CNST: variants seen among roughly 807,000 people sequenced by gnomAD.
CNST encodes the protein consortin, connexin sorting protein, also known as consortin.
In CNST, 39 loss-of-function variants were observed where a neutral mutation model predicts 72.4. That is an observed-to-expected ratio of 0.54 (90% CI 0.42 to 0.70). The LOEUF (loss-of-function observed/expected upper bound fraction) is 0.70, where lower values mean the gene tolerates loss of function less well. CNST is among the 30% of genes least tolerant of loss of function. The pLI is 0.00. For missense variants in CNST, 871 were observed against 868.5 expected (o/e 1.00, Z -0.04); for synonymous variants, 332 against 320.1 (o/e 1.04, Z -0.40).
At chr1:246,654,779 CA>C (rs1330983604) in intron 9 of CNST, among the ~76,000 whole-genome samples, 1 of 151,500 alleles carries the variant, frequency 6.6e-6, no homozygotes, top group African/African-American at 2.4e-5. Flanking sequence ...ATTACTCAAA[CA>C]AGTATTTGCT....
At chr1:246,582,599 A>G (rs918980628) in intron 1 of CNST, among the ~76,000 whole-genome samples, 2 of 152,130 alleles carry the variant, frequency 1.3e-5, no homozygotes, top group Admixed American at 1.3e-4. Context: ...GTCTTTCACA[A>G]CAGATAGTCT....
intron 9 of CNST, among the ~76,000 whole-genome samples, chr1:246,658,057 G>A (rs1666864418): frequency 6.6e-6 from 1 of 152,092 alleles, no homozygotes; most frequent in Non-Finnish European, 1.5e-5. Context: ...GTATTTTATG[G>A]AGAAAATAGA....
chr1:246,573,074 GAA>G (rs1660167375), intron 1 of CNST, among the ~76,000 whole-genome samples: 1 of 152,284 alleles, frequency 6.6e-6, no homozygotes, highest in East Asian at 1.9e-4. Flanking sequence ...TAGTTTCCTG[GAA>G]AAGTCATTAT....
rs1173786524 is a variant in CNST at position 246,647,759 on chromosome 1, G to C, written c.1558G>C (p.Gly520Arg). 3 of 1,614,116 alleles carry C rather than the reference G, an allele frequency of 1.9e-6. No individual in the cohort carries two copies. In the Admixed American group the frequency reaches 5.0e-5, roughly 27 times the overall value. ...LCGNNQISDL[G>R]ILLPEVCMAP... ...TGGAAATAATCAAATATCTGACTTA[G>C]GCATACTGCTTCCAGAGGTGTGTAT... Residue 520 changes from glycine (G) to arginine (R), a missense_variant, in exon 9 of 11, where the codon GGC becomes CGC. Physicochemically the swap from Gly to Arg is moderately radical, Grantham distance 125 (BLOSUM62 -2). Coordinates refer to ENST00000366513, the MANE Select transcript of CNST (RefSeq NM_152609.3).
intron 3 of CNST, among the ~76,000 whole-genome samples, chr1:246,621,966 G>C (rs1162093420): frequency 2.6e-5 from 4 of 152,196 alleles, no homozygotes; most frequent in Admixed American, 2.0e-4. Context: ...CTGCACTCCA[G>C]CCTGGGAGAC....
intron 1 of CNST, among the ~76,000 whole-genome samples, chr1:246,578,668 C>CA (rs535495219): frequency 0.039 from 5,408 of 139,928 alleles, 273 homozygotes; most frequent in African/African-American, 0.12. Flanking sequence ...GACTCCGTTT[C>CA]AAAAAAAAAA....
intron 3 of CNST, among the ~76,000 whole-genome samples, chr1:246,629,308 A>G (rs1664629917): frequency 1.3e-5 from 2 of 152,192 alleles, no homozygotes; most frequent in Admixed American, 1.3e-4. Flanking sequence ...AAAAAGTCAC[A>G]TCTTCTCTTC....
chr1:246,632,414 C>A, intron 4 of CNST: 1 of 212,636 alleles, frequency 4.7e-6, no homozygotes. Flanking sequence ...TTGCCTTCCC[C>A]TTGGATAATG....
intron 2 of CNST, chr1:246,607,764 G>A (rs939893747): frequency 3.3e-5 from 5 of 152,384 alleles, no homozygotes; most frequent in East Asian, 1.9e-4. Flanking sequence ...CTGGGCCTGA[G>A]AAGGGAGGAG....
At chr1:246,612,464 A>G (rs913498602) in intron 2 of CNST, among the ~76,000 whole-genome samples, 3 of 152,182 alleles carry the variant, frequency 2.0e-5, no homozygotes, top group Admixed American at 1.3e-4. Flanking sequence ...CAGCCTCCCA[A>G]AGTGCTGGGA....
At chr1:246,622,823 G>GTATT (rs1256567183) in intron 3 of CNST, among the ~76,000 whole-genome samples, 7 of 151,768 alleles carry the variant, frequency 4.6e-5, no homozygotes, top group South Asian at 2.1e-4. Flanking sequence ...GTATTGTATT[G>GTATT]TATTTATTTA....
chr1:246,621,544 G>T lies in CNST; in HGVS notation c.495G>T (p.Ala165=), dbSNP rs772250541. The T allele has an allele frequency of 2.5e-6, 4 of 1,614,142 alleles. No individual in the cohort carries two copies. Among genetic ancestry groups the T allele is most frequent in the Non-Finnish European group, 3.4e-6 (4 of 1,179,998 alleles). The change falls in exon 3 of 11, where the codon GCG becomes GCT. Residue 165 remains alanine, a synonymous_variant. Transcript: ENST00000366513. The part of the protein sequence containing the change: ...AEVNANEQPE[A]PKLVLQSLFS... ...TAAATGCTAATGAGCAGCCAGAGGC[G>T]CCAAAGCTTGTTCTGCAGTCTCTGT...
chr1:246,569,405 T>C (rs1659926225), intron 1 of CNST, among the ~76,000 whole-genome samples: 1 of 152,168 alleles, frequency 6.6e-6, no homozygotes. Flanking sequence ...GTTACCTTAC[T>C]GAGCAGCACA....
chr1:246,645,424 C>T (rs12127256), intron 8 of CNST, among the ~76,000 whole-genome samples: 18,199 of 106,092 alleles, frequency 0.17, 1,958 homozygotes, highest in African/African-American at 0.34. Context: ...AAGGTTAAAA[C>T]TTTTTTTTTT....
chr1:246,644,570 G>A (rs1399824272), intron 8 of CNST, among the ~76,000 whole-genome samples: 1 of 152,190 alleles, frequency 6.6e-6, no homozygotes, highest in Non-Finnish European at 1.5e-5. Flanking sequence ...TGGTGATTAT[G>A]ACTGAACCCA....
chr1:246,613,931 T>C (rs1257969539), intron 2 of CNST, among the ~76,000 whole-genome samples: 5 of 151,550 alleles, frequency 3.3e-5, no homozygotes, highest in Non-Finnish European at 5.9e-5. Context: ...TGACCTCAGG[T>C]GATCCACCTG....
intron 4 of CNST, among the ~76,000 whole-genome samples, chr1:246,632,731 G>T (rs1461153980): frequency 6.6e-6 from 1 of 152,182 alleles, no homozygotes; most frequent in African/African-American, 2.4e-5. Context: ...AAGCTCACAG[G>T]ATCATTTACA....
chr1:246,662,417 T>G (rs1667145400), intron 10 of CNST, among the ~76,000 whole-genome samples: 3 of 152,190 alleles, frequency 2.0e-5, no homozygotes, highest in Non-Finnish European at 4.4e-5. Flanking sequence ...TGAGACGGGA[T>G]CTCACTCTGT....
chr1:246,585,400 A>T (rs1017833093), intron 1 of CNST, among the ~76,000 whole-genome samples: 1 of 152,046 alleles, frequency 6.6e-6, no homozygotes, highest in African/African-American at 2.4e-5. Context: ...TAATCCCAGC[A>T]CTTTGGGAGG....
Sources: allele counts gnomAD v4.1 joint callset (sites outside exome capture counted in the v4.1 genomes callset), GRCh38; gene constraint gnomAD v4.1.1; transcripts MANE v1.5; gene names NCBI Gene and HGNC (gene_info 2026-07-23, HGNC 2026-07-21).